Variants in SLC16A2 observed in about 807,000 individuals in gnomAD.
The protein encoded by SLC16A2 is monocarboxylate transporter 8.
Under a neutral mutation model 27.2 loss-of-function variants are expected in SLC16A2, and 3 were observed. The observed-to-expected ratio is 0.11, with a 90% CI of 0.05 to 0.28. The LOEUF is 0.28. Ranked by LOEUF, SLC16A2 falls within the 10% of genes least tolerant of loss-of-function variation. The pLI, the probability that SLC16A2 is intolerant of heterozygous loss-of-function variation, is 1.00. For synonymous variants in SLC16A2, 202 were observed against 187.8 expected (o/e 1.08, Z -0.62); for missense variants, 295 against 458.5 (o/e 0.64, Z 3.26).
intron 1 of SLC16A2, among the ~76,000 whole-genome samples, chrX:74,454,901 C>A (rs1031801170): frequency 9.0e-6 from 1 of 111,072 alleles, no homozygotes; most frequent in Non-Finnish European, 1.9e-5. Context: ...AACTGTATTT[C>A]TTGTGTATTG....
In SLC16A2 at chrX:74,452,969, C is replaced by T. The variant is rs143733636; in HGVS notation, c.430+30902C>T. Among the ~76,000 whole-genome samples, 15 of 111,183 alleles carry T rather than the reference C, an allele frequency of 1.3e-4. No homozygotes were observed. The East Asian group carries it at 4.2e-3, about 31-fold the overall frequency. The stretch of plus-strand genomic sequence containing the variant: ...TTGGTACTCATTGAACTTACAGTTG[C>T]CTAAAACTCCTAGGTATCTCTCACA... On this transcript the variant is annotated intron_variant, in intron 1 of 5. Coordinates refer to ENST00000587091, the MANE Select transcript of SLC16A2 (RefSeq NM_006517.5).
intron 1 of SLC16A2, among the ~76,000 whole-genome samples, chrX:74,474,749 G>A (rs1274301222): frequency 1.4e-4 from 15 of 110,358 alleles, no homozygotes; most frequent in African/African-American, 1.3e-4. Flanking sequence ...TTGTCCTTGC[G>A]ATAGTTTGCT....
At chrX:74,472,922 C>T in intron 1 of SLC16A2, 2 of 379,402 alleles carry the variant, frequency 5.3e-6, no homozygotes, top group Admixed American at 3.1e-5. Context: ...GCCCTGCCAC[C>T]ACTGTGCTTT....
intron 5 of SLC16A2, among the ~76,000 whole-genome samples, chrX:74,530,091 T>C (rs1331926218): frequency 1.7e-4 from 3 of 17,782 alleles, no homozygotes; most frequent in Non-Finnish European, 1.3e-3. Flanking sequence ...TTCTTTTCTC[T>C]TTTTTTTTTT....
intron 1 of SLC16A2, among the ~76,000 whole-genome samples, chrX:74,439,556 C>T (rs774902634): frequency 8.4e-4 from 87 of 102,978 alleles, no homozygotes; most frequent in Non-Finnish European, 1.5e-3. Flanking sequence ...CTGCCTCAAC[C>T]TCCCAAAGTG....
chrX:74,499,493 A>G (rs1469220914), intron 1 of SLC16A2, among the ~76,000 whole-genome samples: 1 of 98,194 alleles, frequency 1.0e-5, no homozygotes, highest in Non-Finnish European at 2.0e-5. Context: ...TCACTCTGTC[A>G]CCCAGGCTGG....
intron 1 of SLC16A2, among the ~76,000 whole-genome samples, chrX:74,485,926 C>T (rs1043693474): frequency 1.8e-5 from 2 of 110,312 alleles, no homozygotes; most frequent in African/African-American, 6.6e-5. Context: ...AAGCTCAGCT[C>T]GAGCCGTAAC....
chrX:74,470,884 G>A (rs1368133901), intron 1 of SLC16A2, among the ~76,000 whole-genome samples: 1 of 110,910 alleles, frequency 9.0e-6, no homozygotes, highest in East Asian at 2.8e-4. Context: ...CTTGCAGTGA[G>A]CCAAGATGGC....
chrX:74,510,963 C>A (rs903381927), intron 1 of SLC16A2, among the ~76,000 whole-genome samples: 23 of 108,378 alleles, frequency 2.1e-4, no homozygotes, highest in African/African-American at 7.4e-4. Context: ...TAGCTACCCT[C>A]AGGAGACTGA....
intron 1 of SLC16A2, among the ~76,000 whole-genome samples, chrX:74,481,620 G>A (rs993006068): frequency 8.3e-5 from 9 of 108,895 alleles, no homozygotes; most frequent in Non-Finnish European, 1.3e-4. Flanking sequence ...CTAATTAAAC[G>A]TTTGCCAGTT....
Position 74,460,662 on chromosome X carries a change from G to GT in SLC16A2, c.430+38601dup, listed in dbSNP as rs1197355584. Among the ~76,000 whole-genome samples the GT allele has an allele frequency of 3.6e-5, 4 of 111,305 alleles. No homozygotes were observed. In the Admixed American group the frequency reaches 3.8e-4, roughly 11 times the overall value. On this transcript the variant is annotated intron_variant, in intron 1 of 5. Transcript: ENST00000587091. ...AAAACATTCAGCAGGTTTTTTGTTT[G>GT]TTTTTTGAGACGGAGTCTTGCTCTG...
intron 1 of SLC16A2, among the ~76,000 whole-genome samples, chrX:74,505,903 G>A (rs1480519190): frequency 8.9e-6 from 1 of 111,864 alleles, no homozygotes; most frequent in African/African-American, 3.2e-5. Flanking sequence ...GTAGGAAGAG[G>A]CTCATCATTT....
intron 1 of SLC16A2, among the ~76,000 whole-genome samples, chrX:74,457,452 G>C (rs1187513554): frequency 9.0e-6 from 1 of 111,076 alleles, no homozygotes; most frequent in Non-Finnish European, 1.9e-5. Context: ...CCAAACCCTG[G>C]TATGTGGAGG....
intron 1 of SLC16A2, among the ~76,000 whole-genome samples, chrX:74,424,267 C>T (rs1345356490): frequency 9.0e-6 from 1 of 111,343 alleles, no homozygotes; most frequent in Non-Finnish European, 1.9e-5. Context: ...AATACTTTGG[C>T]TTGGGTCCTT....
chrX:74,433,394 G>C (rs1374717031), intron 1 of SLC16A2, among the ~76,000 whole-genome samples: 1 of 107,888 alleles, frequency 9.3e-6, no homozygotes, highest in East Asian at 2.9e-4. Flanking sequence ...AAAAGTACCC[G>C]TGCAGATTTC....
intron 1 of SLC16A2, among the ~76,000 whole-genome samples, chrX:74,464,758 G>A (rs1376788377): frequency 9.0e-6 from 1 of 111,414 alleles, no homozygotes; most frequent in Admixed American, 9.7e-5. Context: ...GCTCATGCCT[G>A]TAATCCCAGC....
intron 1 of SLC16A2, among the ~76,000 whole-genome samples, chrX:74,519,726 A>AAG (rs1459322914): frequency 1.4e-4 from 10 of 69,506 alleles, no homozygotes; most frequent in Non-Finnish European, 3.0e-4. Context: ...AAAAAAAAAA[A>AAG]AAAACAAAAA....
chrX:74,427,124 C>T (rs780433211), intron 1 of SLC16A2, among the ~76,000 whole-genome samples: 5 of 112,125 alleles, frequency 4.5e-5, no homozygotes, highest in Non-Finnish European at 9.4e-5. Flanking sequence ...TAAACATTTC[C>T]TCAAGCCTCA....
intron 1 of SLC16A2, among the ~76,000 whole-genome samples, chrX:74,443,331 C>T (rs1346295503): frequency 8.9e-6 from 1 of 111,840 alleles, no homozygotes; most frequent in African/African-American, 3.3e-5. Flanking sequence ...TAGATGATTC[C>T]TAAGGCCCCT....
Sources: allele counts gnomAD v4.1 joint callset (sites outside exome capture counted in the v4.1 genomes callset), GRCh38; gene constraint gnomAD v4.1.1; transcripts MANE v1.5; gene names NCBI Gene and HGNC (gene_info 2026-07-23, HGNC 2026-07-21).